The following TMEM132E variants were observed in gnomAD, a reference collection of about 807,000 sequenced individuals.
TMEM132E encodes transmembrane protein 132E.
A neutral mutation model predicts 78.5 loss-of-function variants in TMEM132E; 49 were observed. That is an observed-to-expected ratio of 0.62 (90% CI 0.50 to 0.79). The LOEUF (loss-of-function observed/expected upper bound fraction) is 0.79. TMEM132E is among the 30% of genes least tolerant of loss of function. The probability of loss-of-function intolerance (pLI) is 0.00; values close to 1 mark genes in which losing one functional copy is unlikely to be tolerated. For synonymous variants in TMEM132E, 715 were observed against 670.6 expected (o/e 1.07, Z -1.02); for missense variants, 1,403 against 1,470.9 (o/e 0.95, Z 0.75).
At chr17:34,621,402 A>C (rs1906956297) in intron 1 of TMEM132E, among the ~76,000 whole-genome samples, 1 of 152,068 alleles carries the variant, frequency 6.6e-6, no homozygotes, top group Non-Finnish European at 1.5e-5. Flanking sequence ...TAAGTACACC[A>C]GTCATATTGG....
At chr17:34,628,910 C>T in intron 3 of TMEM132E, 102 bp from the exon 4 acceptor site, 1 of 1,425,440 alleles carries the variant, frequency 7.0e-7, no homozygotes, top group East Asian at 2.3e-5. Flanking sequence ...CCCCATCAGG[C>T]AGCTGCCGGG....
intron 6 of TMEM132E, 87 bp downstream of exon 6, chr17:34,632,996 A>C (rs1907403228): frequency 1.4e-6 from 2 of 1,442,462 alleles, no homozygotes; most frequent in African/African-American, 2.8e-5. Context: ...TATGGGTATA[A>C]GGCCCTTGGT....
At chr17:34,588,581 A>C (rs933940440) in intron 1 of TMEM132E, among the ~76,000 whole-genome samples, 1 of 152,238 alleles carries the variant, frequency 6.6e-6, no homozygotes, top group African/African-American at 2.4e-5. Flanking sequence ...GTCAGCGCAC[A>C]CAACAAAAAT....
intron 6 of TMEM132E, 152 bp downstream of exon 6, chr17:34,633,061 T>A: frequency 2.4e-6 from 2 of 836,026 alleles, no homozygotes; most frequent in Non-Finnish European, 1.9e-6. Flanking sequence ...GACCAGCTAC[T>A]GTGTGCTAGG....
intron 7 of TMEM132E, 179 bp from the exon 8 acceptor site, chr17:34,635,828 C>T (rs560682781): frequency 4.5e-5 from 23 of 509,278 alleles, no homozygotes; most frequent in Non-Finnish European, 7.0e-5. Flanking sequence ...CTCTCATGAC[C>T]TCTGGACACT....
In TMEM132E at chr17:34,637,745, T is replaced by C. The variant is rs1907581006; in HGVS notation, c.2738T>C (p.Val913Ala). The change falls in exon 9 of 9, where the codon GTG (valine) becomes GCG (alanine). Residue 913 changes from valine (V) to alanine (A), a missense_variant. This residue lies in a region of TMEM132E where 888 missense variants were observed against 952.8 expected (regional missense o/e 0.93). Transcript: ENST00000631683. ...LVFLINCIVF[V>A]LRYRHKRIPP... ...TTCCTCATCAACTGCATCGTTTTTG[T>C]GCTGCGCTACCGGCACAAGCGCATC... The C allele has an allele frequency of 1.2e-6, 2 of 1,613,534 alleles. No homozygotes were observed. The highest frequency in any genetic ancestry group is 1.3e-5 in the African/African-American group (1 of 74,934).
Position 34,581,164 on chromosome 17 carries a change from T to TG in TMEM132E, c.67+26dup, listed in dbSNP as rs767392015. The TG allele has an allele frequency of 2.9e-5, 43 of 1,498,470 alleles. No homozygotes were observed. In the South Asian group the frequency reaches 5.0e-4, roughly 17 times the overall value. 92.8% of individuals were successfully genotyped at this position (1,498,470 alleles called of 1,614,324 possible). On this transcript the variant is annotated intron_variant, in intron 1 of 8. Transcript: ENST00000631683. Reference sequence around the variant, plus strand: ...CCACGGTAAGTGTCGCGGCGCGGACTGGGGGTGAGGATGCGGCAGGCGCCA... The same window carrying TG: ...CCACGGTAAGTGTCGCGGCGCGGACTGGGGGGTGAGGATGCGGCAGGCGCCA...
chr17:34,615,799 T>C (rs1428224786), intron 1 of TMEM132E, among the ~76,000 whole-genome samples: 1 of 151,768 alleles, frequency 6.6e-6, no homozygotes, highest in Non-Finnish European at 1.5e-5. Context: ...GATCTCTGCC[T>C]CCTGACTCAG....
In TMEM132E at chr17:34,638,817, C is replaced by G. The variant is rs1907642311; in HGVS notation, c.*585C>G. On this transcript the variant is annotated 3_prime_UTR_variant, in exon 9 of 9. Transcript: ENST00000631683. ...AGCATCTGCTGGCATTCGGGTGCCTCCCAGGACCTGGGAGCTGACTCTACA... is the reference window on the plus strand; with the variant it reads ...AGCATCTGCTGGCATTCGGGTGCCTGCCAGGACCTGGGAGCTGACTCTACA... The G allele has an allele frequency of 1.3e-5, 2 of 152,136 alleles. No homozygotes were observed. The highest frequency in any genetic ancestry group is 1.3e-4 in the Admixed American group (2 of 15,276). The allele number at this position is 152,136 out of a possible 1,614,324, so 9.4% of individuals were successfully genotyped here. A position where few individuals can be genotyped will look rare whatever the true frequency, so the allele number is the denominator to read the frequency against.
At chr17:34,592,492 T>C (rs1443462312) in intron 1 of TMEM132E, among the ~76,000 whole-genome samples, 2 of 152,220 alleles carry the variant, frequency 1.3e-5, no homozygotes, top group Non-Finnish European at 2.9e-5. Context: ...CAGGCCTCCC[T>C]AATCTGCAGC....
In TMEM132E at chr17:34,637,914, C is replaced by A; in HGVS notation, c.2907C>A (p.His969Gln). The change falls in exon 9 of 9, where the codon CAC becomes CAA. Residue 969 changes from histidine to glutamine, a missense_variant. Physicochemically the swap from His to Gln is conservative, Grantham distance 24. This residue lies in a region of TMEM132E where 888 missense variants were observed against 952.8 expected (regional missense o/e 0.93). Transcript: ENST00000631683. ...ETVPAFCHGD[H>Q]HSSGSSQTSV... ...TGCCCGCCTTCTGCCACGGCGACCA[C>A]CACAGCAGCGGCAGCTCGCAGACCA... 6.2e-7 allele frequency: 1 copy of A among 1,606,402 alleles called. No homozygotes were observed. Among genetic ancestry groups the A allele is most frequent in the Non-Finnish European group, 8.5e-7 (1 of 1,178,866 alleles).
rs533479558 is a variant in TMEM132E, at chr17:34,603,908, C to T, written c.68-22219C>T. On this transcript the variant is annotated intron_variant, in intron 1 of 8. Coordinates refer to ENST00000631683, the MANE Select transcript of TMEM132E (RefSeq NM_001304438.2). The stretch of plus-strand genomic sequence containing the variant: ...GTACCAGCCCCCTCCGCCACCAGGC[C>T]TGGTCCCTTCTTTCATCCCCCTCCC... Among the ~76,000 whole-genome samples, 129 of 152,312 alleles carry T rather than the reference C, an allele frequency of 8.5e-4. No homozygotes were observed. The Middle Eastern group carries it at 0.014, about 16-fold the overall frequency.
At position 34,580,888 on chromosome 17, in the gene TMEM132E, T is replaced by A; in HGVS notation, c.-189T>A. The A allele has an allele frequency of 2.2e-6, 1 of 458,212 alleles. No individual in the cohort carries two copies. 28.4% of individuals were successfully genotyped at this position (458,212 alleles called of 1,614,324 possible). On this transcript the variant is annotated 5_prime_UTR_variant, in exon 1 of 9. Coordinates refer to ENST00000631683, the MANE Select transcript of TMEM132E (RefSeq NM_001304438.2). ...GCTGCGCCCCCACCGGCTCCGAGGG[T>A]GTAGCCGCCAGCGCCTGGGACGCCC...
At chr17:34,595,026 G>A (rs934982494) in intron 1 of TMEM132E, among the ~76,000 whole-genome samples, 4 of 152,268 alleles carry the variant, frequency 2.6e-5, no homozygotes, top group African/African-American at 9.6e-5. Flanking sequence ...GGTGCTGGAG[G>A]AGCAGGGACT....
At chr17:34,622,054 T>C (rs1394733908) in intron 1 of TMEM132E, among the ~76,000 whole-genome samples, 1 of 152,218 alleles carries the variant, frequency 6.6e-6, no homozygotes, top group Non-Finnish European at 1.5e-5. Flanking sequence ...CCATGCTCCA[T>C]GATGTCTGGC....
chr17:34,612,816 T>C (rs954541854), intron 1 of TMEM132E, among the ~76,000 whole-genome samples: 2 of 150,696 alleles, frequency 1.3e-5, no homozygotes, highest in African/African-American at 4.9e-5. Flanking sequence ...ACCTCAGCTG[T>C]GTGTTTTGGG....
At chr17:34,594,051 T>G (rs888715194) in intron 1 of TMEM132E, among the ~76,000 whole-genome samples, 1 of 152,144 alleles carries the variant, frequency 6.6e-6, no homozygotes, top group Non-Finnish European at 1.5e-5. Context: ...TCCCCCTCTA[T>G]CTAAAGCAGC....
rs550677731 is a variant in TMEM132E at position 34,610,895 on chromosome 17, G to A, written c.68-15232G>A. ...TGCTATTCATTTTTATACCAAATATGGATGTTCTCAGAACTGTCATGGCAC... is the reference window on the plus strand; with the variant it reads ...TGCTATTCATTTTTATACCAAATATAGATGTTCTCAGAACTGTCATGGCAC... On this transcript the variant is annotated intron_variant, in intron 1 of 8. Coordinates refer to ENST00000631683, the MANE Select transcript of TMEM132E (RefSeq NM_001304438.2). Among the ~76,000 whole-genome samples the A allele has an allele frequency of 7.2e-5, 11 of 152,284 alleles. No individual in the cohort carries two copies. The East Asian group carries it at 1.5e-3, about 21-fold the overall frequency.
chr17:34,611,498 T>C (rs1158926343), intron 1 of TMEM132E, among the ~76,000 whole-genome samples: 1 of 152,138 alleles, frequency 6.6e-6, no homozygotes, highest in African/African-American at 2.4e-5. Flanking sequence ...GAAGTGCTGA[T>C]GAAGCAGCAG....
Sources: allele counts gnomAD v4.1 joint callset (sites outside exome capture counted in the v4.1 genomes callset), GRCh38; gene constraint gnomAD v4.1.1; regional missense constraint gnomAD v4.1.1; transcripts MANE v1.5; gene names NCBI Gene and HGNC (gene_info 2026-07-23, HGNC 2026-07-21).